Variants in RGS22 observed in about 807,000 individuals in gnomAD.
RGS22 encodes regulator of G protein signaling 22.
RGS22 carries 148 observed loss-of-function variants against 172.9 expected under a neutral mutation model. The ratio of observed to expected loss-of-function variants is 0.86; its 90% confidence interval spans 0.75 to 0.98. The LOEUF is 0.98. Among genes scored for constraint, RGS22 ranks in the 50% least tolerant of loss-of-function variants. RGS22 has a pLI of 0.00. For missense variants in RGS22, 1,347 were observed against 1,440.8 expected (o/e 0.93, Z 1.05); for synonymous variants, 458 against 480.2 (o/e 0.95, Z 0.60).
intron 6 of RGS22, among the ~76,000 whole-genome samples, chr8:100,068,266 T>C (rs1810682368): frequency 6.6e-6 from 1 of 152,012 alleles, no homozygotes; most frequent in Non-Finnish European, 1.5e-5. Context: ...TGCACTCTTG[T>C]AGTCCCAGCT....
At position 99,996,371 on chromosome 8, in the gene RGS22, A is replaced by T. The variant is rs1588934714; in HGVS notation, c.3018+91T>A. ...TCAGTTTAGAAAACAGTGTGTCCTCAGTGAGGATTTTTGAACAAGAAAGGG... is the reference window on the plus strand; with the variant it reads ...TCAGTTTAGAAAACAGTGTGTCCTCTGTGAGGATTTTTGAACAAGAAAGGG... On this transcript the variant is annotated intron_variant, in intron 20 of 27. Transcript: ENST00000360863. The T allele has an allele frequency of 2.7e-5, 28 of 1,019,698 alleles. No individual in the cohort carries two copies. The East Asian group carries it at 6.7e-4, about 24-fold the overall frequency. 63.2% of individuals were successfully genotyped at this position (1,019,698 alleles called of 1,614,324 possible).
intron 16 of RGS22, 61 bp downstream of exon 16, chr8:100,005,956 A>G (rs1815649985): frequency 1.6e-6 from 2 of 1,249,262 alleles, no homozygotes; most frequent in African/African-American, 1.5e-5. Context: ...TGCCCCATAC[A>G]TAAAGTGGTA....
intron 9 of RGS22, among the ~76,000 whole-genome samples, chr8:100,059,389 AAC>A: frequency 6.6e-6 from 1 of 152,058 alleles, no homozygotes; most frequent in African/African-American, 2.4e-5. Context: ...GCCTACAAGA[AAC>A]ACACTTCACC....
In RGS22 at chr8:100,047,661, C is replaced by A. The variant is rs1184320694; in HGVS notation, c.1690-65G>T. ...AAAAAAGCACAGCTCTGCACCTATA[C>A]CTCAAATTTGTTCTCATCACTCGAG... On this transcript the variant is annotated intron_variant, in intron 10 of 27. Transcript: ENST00000360863. The A allele has an allele frequency of 4.2e-6, 6 of 1,419,934 alleles. No homozygotes were observed. The African/African-American group carries it at 4.4e-5, about 10-fold the overall frequency. 88.0% of individuals were successfully genotyped at this position (1,419,934 alleles called of 1,614,324 possible). A position where few individuals can be genotyped will look rare whatever the true frequency, so the allele number is the denominator to read the frequency against.
chr8:99,992,231 C>T (rs1208247894), intron 20 of RGS22, among the ~76,000 whole-genome samples: 1 of 151,982 alleles, frequency 6.6e-6, no homozygotes, highest in Non-Finnish European at 1.5e-5. Context: ...TAACCAGTGA[C>T]CATCATAATG....
intron 19 of RGS22, among the ~76,000 whole-genome samples, chr8:99,998,188 G>A (rs114953213): frequency 6.6e-6 from 1 of 152,136 alleles, no homozygotes; most frequent in African/African-American, 2.4e-5. Flanking sequence ...ACTTGTGTGA[G>A]GACTTAATAA....
rs371496418 is a variant in RGS22 at position 100,036,048 on chromosome 8, T to C, written c.2166+2883A>G. Among the ~76,000 whole-genome samples the C allele has an allele frequency of 5.3e-5, 8 of 152,126 alleles. No homozygotes were observed. In the East Asian group the frequency reaches 1.4e-3, roughly 26 times the overall value. On this transcript the variant is annotated intron_variant, in intron 14 of 27. Transcript: ENST00000360863. ...GTGCAGCAAACCAACATGGCATATG[T>C]AGACCTATGTAACAAACCTGCACGT...
At chr8:99,994,785 CA>C (rs1563588608) in intron 20 of RGS22, among the ~76,000 whole-genome samples, 1 of 152,136 alleles carries the variant, frequency 6.6e-6, no homozygotes, top group Middle Eastern at 3.4e-3. Context: ...CATACGGAAC[CA>C]AAAAAGAGCC....
Position 100,093,511 on chromosome 8 carries a change from T to C in RGS22, c.55-2A>G. On this transcript the variant is annotated splice_acceptor_variant, in intron 2 of 27. Transcript: ENST00000360863. LOFTEE classifies it high-confidence loss of function. ...ATCATCTGTTGCCAGAGAATCTTCCTGCAAAAAAAAAACATAAAAACACAG... is the reference window on the plus strand; with the variant it reads ...ATCATCTGTTGCCAGAGAATCTTCCCGCAAAAAAAAAACATAAAAACACAG... 1 of 1,580,626 alleles carries C rather than the reference T, an allele frequency of 6.3e-7. No homozygotes were observed. Among genetic ancestry groups the C allele is most frequent in the Non-Finnish European group, 8.6e-7 (1 of 1,158,144 alleles).
rs985128962 is a variant in RGS22, at chr8:100,002,497, C to A, written c.2628-133G>T. The A allele has an allele frequency of 1.2e-5, 9 of 743,240 alleles. No individual in the cohort carries two copies. In the African/African-American group the frequency reaches 1.7e-4, roughly 14 times the overall value. The allele number at this position is 743,240 out of a possible 1,614,324, so 46.0% of individuals were successfully genotyped here. ...TAGTAGCATTAGATCATGGAAATAA[C>A]GAACCCAATATTGTATCTCTGATCC... is the stretch of plus-strand genomic sequence containing the variant. On this transcript the variant is annotated intron_variant, in intron 17 of 27. Transcript: ENST00000360863.
intron 14 of RGS22, among the ~76,000 whole-genome samples, chr8:100,030,000 C>G (rs1234197732): frequency 6.6e-6 from 1 of 152,110 alleles, no homozygotes; most frequent in Non-Finnish European, 1.5e-5. Flanking sequence ...GAAAATTGAT[C>G]TATTTCAATC....
intron 4 of RGS22, 135 bp from the exon 5 acceptor site, chr8:100,072,365 A>G: frequency 2.0e-6 from 1 of 498,640 alleles, no homozygotes; most frequent in Non-Finnish European, 3.5e-6. Flanking sequence ...TATTTCCACT[A>G]GAGAGATCAA....
intron 3 of RGS22, among the ~76,000 whole-genome samples, chr8:100,086,538 T>C (rs1332105303): frequency 3.3e-5 from 5 of 151,806 alleles, no homozygotes; most frequent in African/African-American, 1.2e-4. Context: ...ATGGCAACAA[T>C]AGACACTGGG....
At chr8:100,095,395 G>T (rs957387516) in intron 2 of RGS22, among the ~76,000 whole-genome samples, 1 of 152,046 alleles carries the variant, frequency 6.6e-6, no homozygotes, top group African/African-American at 2.4e-5. Context: ...TGTTGCCCAG[G>T]CTGGTCTCGA....
chr8:100,047,508 T>G lies in RGS22; in HGVS notation c.1778A>C (p.Glu593Ala), dbSNP rs971061787. Residue 593 changes from glutamate (E) to alanine (A), a missense_variant, in exon 11 of 28, where the codon GAG becomes GCG. Physicochemically the swap from Glu to Ala is moderately radical, Grantham distance 107. Transcript: ENST00000360863. ...KTATQKPWKRELLYPGSSKDD... is the reference protein window; with the variant it reads ...KTATQKPWKRALLYPGSSKDD... ...CTTAGAAGAACCTGGATACAAAAGC[T>G]CCCGCTTCCAAGGCTTTTGAGTTGC... is the stretch of plus-strand genomic sequence containing the variant. 3 of 1,612,200 alleles carry G rather than the reference T, an allele frequency of 1.9e-6. No homozygotes were observed. The highest frequency in any genetic ancestry group is 2.5e-6 in the Non-Finnish European group (3 of 1,179,260).
chr8:100,042,988 C>G (rs1820299243), intron 11 of RGS22, among the ~76,000 whole-genome samples: 1 of 152,186 alleles, frequency 6.6e-6, no homozygotes, highest in East Asian at 1.9e-4. Context: ...TCCATTCTGA[C>G]TTGAAAGCCT....
intron 3 of RGS22, among the ~76,000 whole-genome samples, chr8:100,091,175 T>A (rs909702287): frequency 6.6e-6 from 1 of 151,956 alleles, no homozygotes; most frequent in African/African-American, 2.4e-5. Flanking sequence ...CTCCTCCCTG[T>A]CCCCAGATTC....
chr8:99,989,598 G>T (rs936271968), intron 20 of RGS22, among the ~76,000 whole-genome samples: 1 of 152,076 alleles, frequency 6.6e-6, no homozygotes, highest in Non-Finnish European at 1.5e-5. Context: ...AATCCTAGCA[G>T]TTTGGGAGGC....
intron 14 of RGS22, among the ~76,000 whole-genome samples, chr8:100,026,154 C>A (rs2131497607): frequency 6.6e-6 from 1 of 152,174 alleles, no homozygotes; most frequent in East Asian, 1.9e-4. Context: ...ACTATAAAAG[C>A]AGGAGCAAAG....
Sources: allele counts gnomAD v4.1 joint callset (sites outside exome capture counted in the v4.1 genomes callset), GRCh38; gene constraint gnomAD v4.1.1; transcripts MANE v1.5; gene names NCBI Gene and HGNC (gene_info 2026-07-23, HGNC 2026-07-21).